ATXN1: variants seen among roughly 807,000 people sequenced by gnomAD.
ATXN1 encodes the protein ataxin 1.
Under a neutral mutation model 56.4 loss-of-function variants are expected in ATXN1, and 8 were observed. The observed-to-expected ratio is 0.14, with a 90% CI of 0.08 to 0.26. The LOEUF (loss-of-function observed/expected upper bound fraction) is 0.26. Ranked by LOEUF, ATXN1 falls within the 10% of genes least tolerant of loss-of-function variation. ATXN1 has a pLI of 1.00. For synonymous variants in ATXN1, 514 were observed against 494.6 expected (o/e 1.04, Z -0.52); for missense variants, 987 against 1,106.5 (o/e 0.89, Z 1.53).
chr6:16,470,633 G>A (rs1408827979), intron 6 of ATXN1, among the ~76,000 whole-genome samples: 1 of 152,100 alleles, frequency 6.6e-6, no homozygotes, highest in African/African-American at 2.4e-5. Context: ...AGACTGATTA[G>A]GTAGACAGCT....
In ATXN1 at chr6:16,342,334, C is replaced by CT. The variant is rs201642770; in HGVS notation, c.-160-13865dup. Among the ~76,000 whole-genome samples, 165 of 150,724 alleles carry CT rather than the reference C, an allele frequency of 1.1e-3. 1 individual carries two copies. The highest frequency in any genetic ancestry group is 3.4e-3 in the Middle Eastern group (1 of 294). On this transcript the variant is annotated intron_variant, in intron 6 of 7. Coordinates refer to ENST00000436367, the MANE Select transcript of ATXN1 (RefSeq NM_001128164.2). ...CACTCATTAAGATGGACATTATATT[C>CT]TTTTTTTTAAAAAAAAAAACAAAAC...
intron 7 of ATXN1, among the ~76,000 whole-genome samples, chr6:16,323,000 C>T (rs1760711270): frequency 6.6e-6 from 1 of 152,190 alleles, no homozygotes; most frequent in Non-Finnish European, 1.5e-5. Context: ...CATAGCCACG[C>T]GGGGGCCAAC....
At chr6:16,489,164 C>G (rs1190295179) in intron 5 of ATXN1, among the ~76,000 whole-genome samples, 1 of 152,270 alleles carries the variant, frequency 6.6e-6, no homozygotes, top group Non-Finnish European at 1.5e-5. Context: ...TTTCTAAGCT[C>G]TCTGATGAAA....
In ATXN1 at chr6:16,338,533, C is replaced by T. The variant is rs192453220; in HGVS notation, c.-160-10063G>A. Among the ~76,000 whole-genome samples, 157 of 152,264 alleles carry T rather than the reference C, an allele frequency of 1.0e-3. 1 individual carries two copies. The highest frequency in any genetic ancestry group is 3.5e-3 in the African/African-American group (147 of 41,538). On this transcript the variant is annotated intron_variant, in intron 6 of 7. Coordinates refer to ENST00000436367, the MANE Select transcript of ATXN1 (RefSeq NM_001128164.2). ...ATTTTACTTGCGATTATACATGTGC[C>T]CAAGTTTAATGAGGCAAAAATTTCA...
At chr6:16,741,262 G>A (rs1760331617) in intron 2 of ATXN1, among the ~76,000 whole-genome samples, 1 of 152,168 alleles carries the variant, frequency 6.6e-6, no homozygotes, top group South Asian at 2.1e-4. Flanking sequence ...ATTATCAGCT[G>A]AGGCAGACTC....
At chr6:16,681,705 G>C (rs971534229) in intron 2 of ATXN1, among the ~76,000 whole-genome samples, 3 of 152,160 alleles carry the variant, frequency 2.0e-5, no homozygotes, top group Non-Finnish European at 4.4e-5. Flanking sequence ...TTCAAGTCAT[G>C]ATTAGGCCAT....
intron 2 of ATXN1, among the ~76,000 whole-genome samples, chr6:16,744,151 C>T (rs1760441824): frequency 6.6e-6 from 1 of 152,136 alleles, no homozygotes; most frequent in Non-Finnish European, 1.5e-5. Context: ...CTCAGCAGAG[C>T]CACTCAGCTA....
At chr6:16,532,165 G>C (rs1320786846) in intron 4 of ATXN1, among the ~76,000 whole-genome samples, 2 of 152,116 alleles carry the variant, frequency 1.3e-5, no homozygotes, top group East Asian at 3.8e-4. Context: ...GTCAATACCT[G>C]GTCTAGAATA....
Position 16,658,422 on chromosome 6 carries a change from T to C in ATXN1, c.-614-521A>G, listed in dbSNP as rs930546953. ...AACATTTTCCATTTTGCCCTATAAG[T>C]AGGTAATGCATGGGTTTCCCTTGTG... On this transcript the variant is annotated intron_variant, in intron 2 of 7. Transcript: ENST00000436367. Among the ~76,000 whole-genome samples, 4 of 150,054 alleles carry C rather than the reference T, an allele frequency of 2.7e-5. 1 individual carries two copies. In the South Asian group the frequency reaches 8.5e-4, roughly 32 times the overall value.
At chr6:16,598,577 G>A (rs1482170923) in intron 3 of ATXN1, among the ~76,000 whole-genome samples, 3 of 152,076 alleles carry the variant, frequency 2.0e-5, no homozygotes, top group African/African-American at 4.8e-5. Context: ...ATAAAACTAC[G>A]CGGCCCAGAC....
intron 4 of ATXN1, among the ~76,000 whole-genome samples, chr6:16,570,740 A>C (rs956116078): frequency 6.6e-6 from 1 of 152,196 alleles, no homozygotes; most frequent in Non-Finnish European, 1.5e-5. Context: ...AACTCTCTAT[A>C]TATTCCCCTT....
At chr6:16,512,001 C>T (rs1434807031) in intron 5 of ATXN1, among the ~76,000 whole-genome samples, 2 of 152,216 alleles carry the variant, frequency 1.3e-5, no homozygotes, top group African/African-American at 4.8e-5. Context: ...CCATCTTTCT[C>T]CTCAAACGGT....
intron 3 of ATXN1, among the ~76,000 whole-genome samples, chr6:16,630,109 A>G (rs1192225481): frequency 1.3e-5 from 2 of 152,102 alleles, no homozygotes; most frequent in African/African-American, 4.8e-5. Flanking sequence ...GCAGAATCAC[A>G]AAGCTAGAAT....
chr6:16,751,396 C>T (rs944475448), intron 2 of ATXN1, among the ~76,000 whole-genome samples: 1 of 152,152 alleles, frequency 6.6e-6, no homozygotes, highest in African/African-American at 2.4e-5. Flanking sequence ...GTAAGGAATC[C>T]AGTTCCATAT....
intron 3 of ATXN1, among the ~76,000 whole-genome samples, chr6:16,619,108 G>A (rs1763272406): frequency 6.6e-6 from 1 of 151,906 alleles, no homozygotes. Context: ...TATCAAATTG[G>A]CAGAGTTTTT....
intron 5 of ATXN1, among the ~76,000 whole-genome samples, chr6:16,503,160 T>C (rs1760914014): frequency 6.6e-6 from 1 of 152,196 alleles, no homozygotes; most frequent in South Asian, 2.1e-4. Context: ...CTACTTACAC[T>C]ATCTAGTTTT....
chr6:16,540,821 C>A lies in ATXN1; in HGVS notation c.-360-18133G>T, dbSNP rs111777244. Among the ~76,000 whole-genome samples, 293 of 152,290 alleles carry A rather than the reference C, an allele frequency of 1.9e-3. 1 individual carries two copies. Among genetic ancestry groups the A allele is most frequent in the African/African-American group, 6.5e-3 (269 of 41,552 alleles). On this transcript the variant is annotated intron_variant, in intron 4 of 7. Coordinates refer to ENST00000436367, the MANE Select transcript of ATXN1 (RefSeq NM_001128164.2). ...ATTTACTTATGAGTTCCTCTCCCAACAGAGCCTTCTACTGAAAGGTGTTCA... is the reference window on the plus strand; with the variant it reads ...ATTTACTTATGAGTTCCTCTCCCAAAAGAGCCTTCTACTGAAAGGTGTTCA...
chr6:16,345,370 G>T (rs1761354017), intron 6 of ATXN1, among the ~76,000 whole-genome samples: 1 of 152,186 alleles, frequency 6.6e-6, no homozygotes, highest in African/African-American at 2.4e-5. Flanking sequence ...ACTAATTAAA[G>T]ATTGTCTTAG....
At chr6:16,554,811 G>A (rs529621241) in intron 4 of ATXN1, among the ~76,000 whole-genome samples, 114 of 152,086 alleles carry the variant, frequency 7.5e-4, no homozygotes, top group African/African-American at 2.5e-3. Flanking sequence ...GGCTGGTCTC[G>A]AACTCCTGAC....
Sources: gnomAD v4.1 joint callset for allele counts (sites outside exome capture counted in the v4.1 genomes callset) on GRCh38, gnomAD v4.1.1 for gene constraint, MANE v1.5 for transcripts, NCBI Gene and HGNC (gene_info 2026-07-23, HGNC 2026-07-21) for gene names.